The following H3C6 variants were observed in gnomAD, a reference collection of about 807,000 sequenced individuals.
The protein encoded by H3C6 is H3 clustered histone 6.
A neutral mutation model predicts 8.0 loss-of-function variants in H3C6; 17 were observed. That is an observed-to-expected ratio of 2.13 (90% CI 1.46 to 3.19). The LOEUF is 3.19. H3C6 is among the 30% of genes most tolerant of loss of function. H3C6 has a pLI of 0.00. For synonymous variants in H3C6, 169 were observed against 78.0 expected, an observed-to-expected ratio of 2.17 and a Z score of -6.15; for missense variants, 298 against 193.8, an observed-to-expected ratio of 1.54 and a Z score of -3.19.
In H3C6 at chr6:26,225,344, C is replaced by A; in HGVS notation, c.190C>A (p.Arg64=). The A allele has an allele frequency of 6.2e-7, 1 of 1,614,234 alleles. No homozygotes were observed. The highest frequency in any genetic ancestry group is 8.5e-7 in the Non-Finnish European group (1 of 1,180,028). The change falls in exon 1 of 1, where the codon CGG becomes AGG. Residue 64 remains arginine, a synonymous_variant. Coordinates refer to ENST00000614911, the MANE Select transcript of H3C6 (RefSeq NM_003532.3). ...RYQKSTELLI[R]KLPFQRLVRE... Reference sequence around the variant, plus strand: ...CCAGAAGTCTACCGAGCTTCTAATCCGGAAGCTGCCGTTTCAGCGCCTGGT... The same window carrying A: ...CCAGAAGTCTACCGAGCTTCTAATCAGGAAGCTGCCGTTTCAGCGCCTGGT...
upstream of H3C6, chr6:26,225,102 C>A: frequency 6.6e-7 from 1 of 1,509,766 alleles, no homozygotes; most frequent in Non-Finnish European, 8.9e-7. Flanking sequence ...GATTCTGTTC[C>A]TATATAGAGG....
At chr6:26,225,740 T>G (rs1254149056), downstream of H3C6, 30 of 821,226 alleles carry the variant, frequency 3.7e-5, no homozygotes, top group South Asian at 5.2e-4. Flanking sequence ...ATTTCCAAAT[T>G]TAAGCGCTCC....
rs781361489 is a variant in H3C6, at chr6:26,225,150, G to A, written c.-5G>A. 12 of 1,537,560 alleles carry A rather than the reference G, an allele frequency of 7.8e-6. No individual in the cohort carries two copies. The highest frequency in any genetic ancestry group is 6.9e-5 in the African/African-American group (5 of 72,164). On this transcript the variant is annotated 5_prime_UTR_variant, in exon 1 of 1. An upstream start codon of the reference 5' UTR is lost. Coordinates refer to ENST00000614911, the MANE Select transcript of H3C6 (RefSeq NM_003532.3). ...TTCCTAACTCATTTACTTTGCAGAT[G>A]AACTATGGCGCGTACTAAGCAGACG...
In H3C6 at chr6:26,225,416, T is replaced by G. The variant is rs749652945; in HGVS notation, c.262T>G (p.Ser88Ala). ...CAAGACCGACCTGCGCTTCCAGAGTTCCGCGGTGATGGCGCTGCAGGAGGC... is the reference window on the plus strand; with the variant it reads ...CAAGACCGACCTGCGCTTCCAGAGTGCCGCGGTGATGGCGCTGCAGGAGGC... ...DFKTDLRFQS[S>A]AVMALQEACE... Residue 88 changes from serine (S) to alanine (A), a missense_variant, in exon 1 of 1, where the codon TCC (serine) becomes GCC (alanine). Physicochemically the swap from Ser to Ala is moderately conservative, Grantham distance 99 (BLOSUM62 1). Transcript: ENST00000614911. 1 of 1,614,126 alleles carries G rather than the reference T, an allele frequency of 6.2e-7. No individual in the cohort carries two copies. Among genetic ancestry groups the G allele is most frequent in the Admixed American group, 1.7e-5 (1 of 60,012 alleles).
In H3C6 at chr6:26,225,571, T is replaced by A. The variant is rs920571116; in HGVS notation, c.*6T>A. The A allele has an allele frequency of 6.2e-6, 10 of 1,610,548 alleles. No homozygotes were observed. The highest frequency in any genetic ancestry group is 7.6e-6 in the Non-Finnish European group (9 of 1,178,206). On this transcript the variant is annotated 3_prime_UTR_variant, in exon 1 of 1. Transcript: ENST00000614911. ...TTCGTGGGGAGAGGGCGTGAATTGT[T>A]TTGAGTACAAACCTTAAATCCAAAG...
Position 26,225,215 on chromosome 6 carries a change from C to G in H3C6, c.61C>G (p.Leu21Val). The G allele has an allele frequency of 1.2e-6, 2 of 1,607,378 alleles. No individual in the cohort carries two copies. Among genetic ancestry groups the G allele is most frequent in the Non-Finnish European group, 8.5e-7 (1 of 1,176,608 alleles). The change falls in exon 1 of 1, where the codon CTG (leucine) becomes GTG (valine). Residue 21 changes from leucine to valine, a missense_variant. Coordinates refer to ENST00000614911, the MANE Select transcript of H3C6 (RefSeq NM_003532.3). ...STGGKAPRKQ[L>V]ATKAARKSAP... Reference sequence around the variant, plus strand: ...AGGCGGTAAAGCACCGCGCAAACAGCTGGCCACTAAGGCAGCTCGCAAGAG... The same window carrying G: ...AGGCGGTAAAGCACCGCGCAAACAGGTGGCCACTAAGGCAGCTCGCAAGAG...
downstream of H3C6, chr6:26,226,361 CTTATTTATTTAT>C (rs70977262): frequency 0.09 from 13,194 of 146,548 alleles, 806 homozygotes; most frequent in African/African-American, 0.17. Context: ...TTTTTCTTTT[CTTATTTATTTAT>C]TTATTTATTT....
At chr6:26,225,680 A>G (rs1759529755), downstream of H3C6, 1 of 1,237,638 alleles carries the variant, frequency 8.1e-7, no homozygotes, top group East Asian at 2.4e-5. Context: ...GCACTGATCC[A>G]AATAGACATT....
chr6:26,226,785 G>C (rs752482421), downstream of H3C6: 5 of 152,214 alleles, frequency 3.3e-5, no homozygotes, highest in African/African-American at 7.2e-5. Flanking sequence ...CATACAGGCT[G>C]TTATTTGGAA....
At position 26,225,418 on chromosome 6, in the gene H3C6, C is replaced by T. The variant is rs377591725; in HGVS notation, c.264C>T (p.Ser88=). ...AGACCGACCTGCGCTTCCAGAGTTC[C>T]GCGGTGATGGCGCTGCAGGAGGCCT... ...DFKTDLRFQS[S]AVMALQEACE... The change falls in exon 1 of 1, where the codon TCC becomes TCT. Residue 88 remains serine (S), a synonymous_variant. Transcript: ENST00000614911. 2.5e-6 allele frequency: 4 copies of T among 1,614,110 alleles called. No individual in the cohort carries two copies. Among genetic ancestry groups the T allele is most frequent in the African/African-American group, 2.7e-5 (2 of 74,938 alleles).
At chr6:26,227,374 A>G (rs1346148381), downstream of H3C6, 1 of 152,194 alleles carries the variant, frequency 6.6e-6, no homozygotes, top group African/African-American at 2.4e-5. Context: ...TTTTTATATC[A>G]TTAAATCCAC....
At chr6:26,224,202 A>T (rs1765579330), upstream of H3C6, 1 of 152,248 alleles carries the variant, frequency 6.6e-6, no homozygotes, top group Non-Finnish European at 1.5e-5. Flanking sequence ...CTGTAATGTC[A>T]TTCTTTAAGA....
At chr6:26,225,726 T>C (rs1172662643), downstream of H3C6, 7 of 943,448 alleles carry the variant, frequency 7.4e-6, no homozygotes, top group Admixed American at 3.1e-5. Context: ...GATGCTTCAT[T>C]TAAATTTCCA....
rs373685271 is a variant in H3C6, at chr6:26,225,398, G to A, written c.244G>A (p.Asp82Asn). 2.5e-5 allele frequency: 40 copies of A among 1,614,144 alleles called. No homozygotes were observed. Among genetic ancestry groups the A allele is most frequent in the Non-Finnish European group, 3.3e-5 (39 of 1,180,054 alleles). ...VREIAQDFKTDLRFQSSAVMA... is the reference protein window; with the variant it reads ...VREIAQDFKTNLRFQSSAVMA... ...AGAAATAGCTCAGGACTTCAAGACC[G>A]ACCTGCGCTTCCAGAGTTCCGCGGT... Residue 82 changes from aspartate to asparagine, a missense_variant, in exon 1 of 1, where the codon GAC (aspartate) becomes AAC (asparagine). Physicochemically the swap from Asp to Asn is conservative, Grantham distance 23. Coordinates refer to ENST00000614911, the MANE Select transcript of H3C6 (RefSeq NM_003532.3).
rs752690066 is a variant in H3C6, at chr6:26,225,522, AAGACATCC to A, written c.371_378del (p.Asp124AlafsTer19). On this transcript the variant is annotated frameshift_variant, in exon 1 of 1. Coordinates refer to ENST00000614911, the MANE Select transcript of H3C6 (RefSeq NM_003532.3). LOFTEE classifies it high-confidence loss of function. ...GCCAAACGCGTGACCATCATGCCTA[AAGACATCC>A]AGCTTGCCCGCCGCATTCGTGGGGA... 6.2e-7 allele frequency: 1 copy of A among 1,614,122 alleles called. No homozygotes were observed. Among genetic ancestry groups the A allele is most frequent in the South Asian group, 1.1e-5 (1 of 91,086 alleles).
At chr6:26,226,312 G>A (rs1759556653), downstream of H3C6, 1 of 152,160 alleles carries the variant, frequency 6.6e-6, no homozygotes, top group Non-Finnish European at 1.5e-5. Context: ...CAGAAATCAT[G>A]AGCCTTTTCA....
rs1434099858 is a variant in H3C6, at chr6:26,225,168, A to C, written c.14A>C (p.Lys5Thr). The C allele has an allele frequency of 1.9e-5, 30 of 1,571,422 alleles. No individual in the cohort carries two copies. The highest frequency in any genetic ancestry group is 2.5e-5 in the Non-Finnish European group (29 of 1,160,576). Residue 5 changes from lysine to threonine, a missense_variant, in exon 1 of 1, where the codon AAG (lysine) becomes ACG (threonine). By Grantham distance (78) the Lys-to-Thr change is moderately conservative. Coordinates refer to ENST00000614911, the MANE Select transcript of H3C6 (RefSeq NM_003532.3). Reference protein sequence around the residue: MARTKQTARKSTGGK... With the variant: MARTTQTARKSTGGK... ...TGCAGATGAACTATGGCGCGTACTAAGCAGACGGCTCGTAAATCCACAGGC... is the reference window on the plus strand; with the variant it reads ...TGCAGATGAACTATGGCGCGTACTACGCAGACGGCTCGTAAATCCACAGGC...
In H3C6 at chr6:26,225,380, G is replaced by C. The variant is rs1765608380; in HGVS notation, c.226G>C (p.Ala76Pro). 1 of 1,614,158 alleles carries C rather than the reference G, an allele frequency of 6.2e-7. No individual in the cohort carries two copies. The highest frequency in any genetic ancestry group is 8.5e-7 in the Non-Finnish European group (1 of 1,180,052). Residue 76 changes from alanine to proline, a missense_variant, in exon 1 of 1, where the codon GCT (alanine) becomes CCT (proline). Coordinates refer to ENST00000614911, the MANE Select transcript of H3C6 (RefSeq NM_003532.3). ...GTTTCAGCGCCTGGTGCGAGAAATA[G>C]CTCAGGACTTCAAGACCGACCTGCG... ...LPFQRLVREIAQDFKTDLRFQ... is the reference protein window; with the variant it reads ...LPFQRLVREIPQDFKTDLRFQ...
chr6:26,225,734 C>A (rs566571686), downstream of H3C6: 6 of 894,024 alleles, frequency 6.7e-6, no homozygotes, highest in African/African-American at 3.4e-5. Flanking sequence ...ATTTAAATTT[C>A]CAAATTTAAG....
Sources: gnomAD v4.1 joint callset for allele counts on GRCh38, gnomAD v4.1.1 for gene constraint, MANE v1.5 for transcripts, NCBI Gene and HGNC (gene_info 2026-07-23, HGNC 2026-07-21) for gene names.